Variants in PAH observed in about 807,000 individuals in gnomAD.
PAH encodes phenylalanine-4-hydroxylase.
In PAH, 64 loss-of-function variants were observed where a neutral mutation model predicts 62.0. The ratio of observed to expected loss-of-function variants is 1.03; its 90% CI spans 0.84 to 1.27. The LOEUF (loss-of-function observed/expected upper bound fraction) is 1.27, where lower values mean the gene tolerates loss of function less well. PAH is among the 50% of genes most tolerant of loss of function. The pLI is 0.00. For missense variants in PAH, 579 were observed against 542.8 expected (o/e 1.07, Z -0.66); for synonymous variants, 195 against 196.2 (o/e 0.99, Z 0.05).
At chr12:102,905,554 T>C (rs997945221) in intron 2 of PAH, among the ~76,000 whole-genome samples, 1 of 147,648 alleles carries the variant, frequency 6.8e-6, no homozygotes. Flanking sequence ...AGGCCGGAGG[T>C]TTTAGCATAA....
Position 102,877,484 on chromosome 12 carries a change from G to A in PAH, c.419C>T (p.Ala140Val), listed in dbSNP as rs372657268. ...CACAGGGTGGTCAGCATCCAGTTCC[G>A]CTCCATAGCTGAGAATCTGATTGGC... ...RFANQILSYG[A>V]ELDADHPGFK... is the part of the protein sequence containing the mutation. Residue 140 changes from alanine (A) to valine (V), a missense_variant, in exon 4 of 13, where the codon GCG becomes GTG. Physicochemically the swap from Ala to Val is moderately conservative, Grantham distance 64. Transcript: ENST00000553106. 5.0e-6 allele frequency: 8 copies of A among 1,613,744 alleles called. No individual in the cohort carries two copies. Among genetic ancestry groups the A allele is most frequent in the East Asian group, 4.5e-5 (2 of 44,872 alleles).
chr12:102,850,357 T>C (rs534730991), intron 8 of PAH, among the ~76,000 whole-genome samples: 14 of 152,370 alleles, frequency 9.2e-5, no homozygotes, highest in African/African-American at 3.1e-4. Context: ...TTTCCCTCAC[T>C]TAGCAAGCAA....
intron 2 of PAH, among the ~76,000 whole-genome samples, chr12:102,908,221 G>A (rs1878057378): frequency 7.1e-6 from 1 of 141,710 alleles, no homozygotes; most frequent in African/African-American, 2.6e-5. Flanking sequence ...CTGCAGCCCC[G>A]ACACACACAC....
intron 2 of PAH, among the ~76,000 whole-genome samples, chr12:102,907,597 T>G (rs1409040625): frequency 3.3e-5 from 5 of 151,960 alleles, no homozygotes; most frequent in Non-Finnish European, 7.4e-5. Context: ...ATCTTTTTCC[T>G]TCTTTTCTTT....
At chr12:102,858,055 ATCAGTG>A (rs1875523710) in intron 5 of PAH, among the ~76,000 whole-genome samples, 1 of 152,250 alleles carries the variant, frequency 6.6e-6, no homozygotes, top group South Asian at 2.1e-4. Context: ...GTCAAGACGT[ATCAGTG>A]TGCTGTATTC....
intron 4 of PAH, among the ~76,000 whole-genome samples, chr12:102,875,941 A>G (rs1214850106): frequency 2.0e-5 from 1 of 50,100 alleles, no homozygotes; most frequent in East Asian, 5.9e-4. Flanking sequence ...ATATATATAC[A>G]TATATATATA....
chr12:102,919,381 T>C (rs1416601815), upstream of PAH, among the ~76,000 whole-genome samples: 2 of 152,250 alleles, frequency 1.3e-5, no homozygotes, highest in African/African-American at 2.4e-5. Flanking sequence ...ATGCAATGTG[T>C]AATAATCACA....
intron 7 of PAH, among the ~76,000 whole-genome samples, chr12:102,852,442 A>T (rs1240410917): frequency 6.6e-6 from 1 of 152,224 alleles, no homozygotes; most frequent in African/African-American, 2.4e-5. Context: ...TACACAATCT[A>T]GGCAAAGAAA....
chr12:102,859,884 G>C (rs766319204), intron 5 of PAH, among the ~76,000 whole-genome samples: 1 of 152,012 alleles, frequency 6.6e-6, no homozygotes, highest in Non-Finnish European at 1.5e-5. Flanking sequence ...ATGGGCAAAA[G>C]CTGGAAGCAT....
intron 3 of PAH, among the ~76,000 whole-genome samples, chr12:102,884,902 A>G (rs1024798234): frequency 3.9e-5 from 6 of 152,226 alleles, no homozygotes; most frequent in African/African-American, 1.4e-4. Flanking sequence ...AAACAGTCCC[A>G]GGTGGTAGAC....
At chr12:102,931,178 C>T (rs1268729138) in intron 1 of PAH, among the ~76,000 whole-genome samples, 1 of 152,088 alleles carries the variant, frequency 6.6e-6, no homozygotes, top group South Asian at 2.1e-4. Context: ...AAGACATATT[C>T]ATTTTTCTAT....
At chr12:102,952,629 C>T (rs1255771288), upstream of PAH, among the ~76,000 whole-genome samples, 1 of 152,158 alleles carries the variant, frequency 6.6e-6, no homozygotes, top group Non-Finnish European at 1.5e-5. Context: ...CTTAGCGTTA[C>T]TTCTCCTTAT....
rs148419076 is a variant in PAH at position 102,850,301 on chromosome 12, A to C, written c.912+1386T>G. On this transcript the variant is annotated intron_variant, in intron 8 of 12. Coordinates refer to ENST00000553106, the MANE Select transcript of PAH (RefSeq NM_000277.3). The stretch of plus-strand genomic sequence containing the variant: ...CATAATTCCCCAAACCTCACATAAA[A>C]GTAATTTTCCTTTTGTTTAGAGAGG... 2.4e-3 allele frequency among the ~76,000 whole-genome samples: 372 copies of C among 152,330 alleles called. 3 individuals are homozygous for C. The highest frequency in any genetic ancestry group is 8.3e-3 in the African/African-American group (346 of 41,564).
chr12:102,882,155 C>G (rs1286715013), intron 3 of PAH, among the ~76,000 whole-genome samples: 2 of 152,186 alleles, frequency 1.3e-5, no homozygotes, highest in Non-Finnish European at 2.9e-5. Context: ...AGACAACATG[C>G]TATTTACTAT....
chr12:102,894,929 G>A lies in PAH; in HGVS notation c.169-11C>T. On this transcript the variant is annotated splice_polypyrimidine_tract_variant and intron_variant, in intron 2 of 12. Transcript: ENST00000553106. ...GTTTACATCATTCTCCTAGAAGAGA[G>A]AATGGGGAGGGTGAGGAGACAGTCA... The A allele has an allele frequency of 6.2e-7, 1 of 1,607,714 alleles. No homozygotes were observed. Among genetic ancestry groups the A allele is most frequent in the Middle Eastern group, 1.7e-4 (1 of 6,052 alleles).
chr12:102,949,667 GCTTAGGGGTGA>G (rs1389873218), intron 1 of PAH, among the ~76,000 whole-genome samples: 5 of 152,184 alleles, frequency 3.3e-5, no homozygotes, highest in African/African-American at 1.2e-4. Context: ...TATAGGAGAA[GCTTAGGGGTGA>G]CCATCTGGTT....
At chr12:102,854,628 A>G (rs774569259) in intron 6 of PAH, 24 of 209,420 alleles carry the variant, frequency 1.1e-4, no homozygotes, top group Non-Finnish European at 1.8e-4. Context: ...AAGAGTTGAT[A>G]CAGTGTCCAT....
At chr12:102,867,206 C>G (rs1192541182) in intron 4 of PAH, among the ~76,000 whole-genome samples, 1 of 152,160 alleles carries the variant, frequency 6.6e-6, no homozygotes, top group Admixed American at 6.6e-5. Flanking sequence ...GTATGATTAT[C>G]CTGTTCTTTC....
intron 11 of PAH, among the ~76,000 whole-genome samples, 169 bp from the exon 12 acceptor site, chr12:102,840,684 T>C (rs1434736874): frequency 6.6e-6 from 1 of 152,146 alleles, no homozygotes; most frequent in Non-Finnish European, 1.5e-5. Context: ...TAATGAGTCT[T>C]CTTGGGAAGC....
Sources: allele counts gnomAD v4.1 joint callset (sites outside exome capture counted in the v4.1 genomes callset), GRCh38; gene constraint gnomAD v4.1.1; transcripts MANE v1.5; gene names NCBI Gene and HGNC (gene_info 2026-07-23, HGNC 2026-07-21).